Variants in EML5 observed in about 807,000 individuals in gnomAD.
EML5 encodes EMAP like 5.
A neutral mutation model predicts 250.0 loss-of-function variants in EML5; 120 were observed. The ratio of observed to expected loss-of-function variants is 0.48; its 90% CI spans 0.41 to 0.56. The LOEUF is 0.56. Among genes scored for constraint, EML5 ranks in the 20% least tolerant of loss-of-function variants. EML5 has a pLI of 0.00. For synonymous variants in EML5, 771 were observed against 806.5 expected, an observed-to-expected ratio of 0.96 and a Z score of 0.75; for missense variants, 2,006 against 2,437.6, an observed-to-expected ratio of 0.82 and a Z score of 3.73.
At chr14:88,757,932 C>G (rs1162037877) in intron 1 of EML5, among the ~76,000 whole-genome samples, 1 of 151,920 alleles carries the variant, frequency 6.6e-6, no homozygotes, top group African/African-American at 2.4e-5. Context: ...CTCACTGCAG[C>G]CTCGACCTCC....
chr14:88,772,891 T>A (rs2140631767), intron 1 of EML5, among the ~76,000 whole-genome samples: 1 of 152,368 alleles, frequency 6.6e-6, no homozygotes, highest in South Asian at 2.1e-4. Context: ...AAAGTCTTTG[T>A]CTGGAATGAC....
chr14:88,667,801 C>T (rs890980380), intron 21 of EML5, among the ~76,000 whole-genome samples: 1 of 152,330 alleles, frequency 6.6e-6, no homozygotes, highest in Admixed American at 6.5e-5. Flanking sequence ...TCCACCATCA[C>T]TGTAATGGCT....
At chr14:88,746,357 C>A in intron 2 of EML5, 74 bp from the exon 3 acceptor site, 2 of 1,234,150 alleles carry the variant, frequency 1.6e-6, no homozygotes, top group Non-Finnish European at 2.3e-6. Flanking sequence ...TTACAAATAG[C>A]AAAGAAATTA....
At chr14:88,668,632 A>G (rs1018134350) in intron 21 of EML5, among the ~76,000 whole-genome samples, 1 of 152,124 alleles carries the variant, frequency 6.6e-6, no homozygotes. Flanking sequence ...GTTCTGCTAC[A>G]AAAGAGGGAA....
intron 27 of EML5, among the ~76,000 whole-genome samples, chr14:88,656,187 G>C (rs992781007): frequency 1.3e-5 from 2 of 152,068 alleles, no homozygotes; most frequent in South Asian, 2.1e-4. Flanking sequence ...TTACAGCACT[G>C]TTCACAATAG....
intron 8 of EML5, among the ~76,000 whole-genome samples, chr14:88,718,947 G>GA (rs2093547085): frequency 6.6e-6 from 1 of 152,228 alleles, no homozygotes; most frequent in African/African-American, 2.4e-5. Context: ...ACGCAGAGCA[G>GA]AAAAAATATA....
At chr14:88,677,454 G>C (rs1488554606) in intron 21 of EML5, among the ~76,000 whole-genome samples, 2 of 152,170 alleles carry the variant, frequency 1.3e-5, no homozygotes, top group Admixed American at 1.3e-4. Context: ...TGGCAAATGG[G>C]ATCTAATTAA....
chr14:88,622,150 TTTCAC>T (rs2089111730), intron 37 of EML5: 1 of 184,580 alleles, frequency 5.4e-6, no homozygotes, highest in Non-Finnish European at 1.2e-5. Context: ...GCCTGGCTTA[TTTCAC>T]TTCACATCAT....
In EML5 at chr14:88,679,017, C is replaced by G. The variant is rs554460118; in HGVS notation, c.3124+2873G>C. On this transcript the variant is annotated intron_variant, in intron 21 of 43. Coordinates refer to ENST00000554922, the MANE Select transcript of EML5 (RefSeq NM_183387.3). ...CTAGCTTCTGGTGGTTGTAGCAATC[C>G]TTGGTGCTCCTTGGTTTATAGGTAC... Among the ~76,000 whole-genome samples the G allele has an allele frequency of 2.0e-5, 3 of 151,914 alleles. 1 individual carries two copies. The highest frequency in any genetic ancestry group is 7.2e-5 in the African/African-American group (3 of 41,428).
At chr14:88,709,670 C>T (rs931326080) in intron 10 of EML5, among the ~76,000 whole-genome samples, 1 of 152,172 alleles carries the variant, frequency 6.6e-6, no homozygotes, top group Admixed American at 6.5e-5. Context: ...TTTCTTATAA[C>T]GTTCACATTC....
At chr14:88,763,944 T>C (rs1023117612) in intron 1 of EML5, among the ~76,000 whole-genome samples, 4 of 152,226 alleles carry the variant, frequency 2.6e-5, no homozygotes, top group African/African-American at 9.6e-5. Context: ...ATTTTAAAAA[T>C]ATGAATAAGT....
At chr14:88,671,947 A>G (rs2092473320) in intron 21 of EML5, among the ~76,000 whole-genome samples, 2 of 152,140 alleles carry the variant, frequency 1.3e-5, no homozygotes, top group South Asian at 4.1e-4. Flanking sequence ...CTCCCACATA[A>G]TAATAGTGGG....
chr14:88,740,653 A>G (rs1026943472), intron 4 of EML5, 81 bp from the exon 5 acceptor site: 1 of 1,252,132 alleles, frequency 8.0e-7, no homozygotes, highest in African/African-American at 1.5e-5. Flanking sequence ...TTGATGCTAT[A>G]TTAGAGCAGT....
At chr14:88,761,531 C>T (rs142985488) in intron 1 of EML5, among the ~76,000 whole-genome samples, 7 of 152,296 alleles carry the variant, frequency 4.6e-5, no homozygotes, top group Non-Finnish European at 7.3e-5. Context: ...ATGAACTCAT[C>T]CTTTTTATGG....
intron 1 of EML5, among the ~76,000 whole-genome samples, chr14:88,770,530 G>A (rs1371404631): frequency 6.6e-6 from 1 of 152,012 alleles, no homozygotes; most frequent in African/African-American, 2.4e-5. Context: ...CTGAAACAGG[G>A]AAAAAAGAGT....
intron 27 of EML5, among the ~76,000 whole-genome samples, chr14:88,655,258 T>C (rs887016016): frequency 2.0e-5 from 3 of 152,272 alleles, no homozygotes; most frequent in East Asian, 1.9e-4. Context: ...CAAAACAGCA[T>C]GGTACTGGTA....
chr14:88,757,382 G>A (rs1351544860), intron 1 of EML5, among the ~76,000 whole-genome samples: 1 of 151,832 alleles, frequency 6.6e-6, no homozygotes, highest in Admixed American at 6.6e-5. Context: ...GAAAATATAG[G>A]CATAAATCTT....
At chr14:88,705,442 T>TA (rs778832201) in intron 12 of EML5, 40 bp downstream of exon 12, 33 of 1,419,052 alleles carry the variant, frequency 2.3e-5, no homozygotes, top group Non-Finnish European at 3.0e-5. Flanking sequence ...AAGAAGAAAT[T>TA]AGACTTTTTA....
chr14:88,686,308 C>T (rs77331118), intron 19 of EML5, among the ~76,000 whole-genome samples: 7,481 of 151,918 alleles, frequency 0.049, 495 homozygotes, highest in South Asian at 0.16. Flanking sequence ...CACTCAAAGA[C>T]GAGTTAACGG....
Sources: allele counts gnomAD v4.1 joint callset (sites outside exome capture counted in the v4.1 genomes callset), GRCh38; gene constraint gnomAD v4.1.1; transcripts MANE v1.5; gene names NCBI Gene and HGNC (gene_info 2026-07-23, HGNC 2026-07-21).